Variants in CCDC149 observed in about 807,000 individuals in gnomAD.
The protein encoded by CCDC149 is coiled-coil domain containing 149.
CCDC149 carries 45 observed loss-of-function variants against 59.9 expected under a neutral mutation model. That is an observed-to-expected ratio of 0.75 (90% CI 0.59 to 0.96). The LOEUF (loss-of-function observed/expected upper bound fraction) is 0.96, where lower values mean the gene tolerates loss of function less well. Among genes scored for constraint, CCDC149 ranks in the 40% least tolerant of loss-of-function variants. CCDC149 has a pLI of 0.00. For synonymous variants in CCDC149, 245 were observed against 260.6 expected, an observed-to-expected ratio of 0.94 and a Z score of 0.58; for missense variants, 584 against 664.7, an observed-to-expected ratio of 0.88 and a Z score of 1.33.
chr4:24,931,911 T>A (rs560144474), intron 1 of CCDC149, among the ~76,000 whole-genome samples: 1 of 145,568 alleles, frequency 6.9e-6, no homozygotes, highest in African/African-American at 2.6e-5. Context: ...CAGACACTCT[T>A]CTGTTTATAT....
rs1471499212 is a variant in CCDC149 at position 24,979,021 on chromosome 4, G to A, written c.-65+1048C>T. ...GCATGCAAATGGTTTGGGGGCACAG[G>A]AATTGCAGGGAACACTTTGAGAGAG... is the stretch of plus-strand genomic sequence containing the variant. On this transcript the variant is annotated intron_variant, in intron 1 of 12. Transcript: ENST00000389609. 7.2e-5 allele frequency among the ~76,000 whole-genome samples: 11 copies of A among 152,304 alleles called. No homozygotes were observed. In the East Asian group the frequency reaches 1.9e-3, roughly 27 times the overall value.
In CCDC149 at chr4:24,874,257, T is replaced by G. The variant is rs1212641306; in HGVS notation, c.226-538A>C. 4.8e-4 allele frequency among the ~76,000 whole-genome samples: 25 copies of G among 52,552 alleles called. 1 individual carries two copies. The East Asian group carries it at 5.4e-3, about 11-fold the overall frequency. 34.5% of individuals were successfully genotyped at this position (52,552 alleles called of 152,430 possible). On this transcript the variant is annotated intron_variant, in intron 2 of 12. Transcript: ENST00000635206. ...CCTATTAGATTTGTTTTTTTTTTTT[T>G]TTGTTTTGTTTTTTTTTGTTTTTTT...
intron 3 of CCDC149, among the ~76,000 whole-genome samples, chr4:24,864,846 T>C (rs1173584894): frequency 6.6e-6 from 1 of 152,184 alleles, no homozygotes; most frequent in Non-Finnish European, 1.5e-5. Context: ...AAAAATACAG[T>C]ATTCACAGAA....
At chr4:24,894,926 G>GA (rs1720751850) in intron 1 of CCDC149, 4 of 1,529,794 alleles carry the variant, frequency 2.6e-6, no homozygotes, top group Middle Eastern at 1.7e-4. Context: ...TGATAGTGGG[G>GA]AAAAATACAG....
At chr4:24,825,622 A>C (rs1285629868) in intron 9 of CCDC149, among the ~76,000 whole-genome samples, 2 of 151,836 alleles carry the variant, frequency 1.3e-5, no homozygotes, top group African/African-American at 4.8e-5. Context: ...AAATACAAAA[A>C]ATTAGCTGGG....
At chr4:24,831,892 T>G (rs1404412847) in intron 8 of CCDC149, among the ~76,000 whole-genome samples, 1 of 152,224 alleles carries the variant, frequency 6.6e-6, no homozygotes, top group Non-Finnish European at 1.5e-5. Context: ...ATATTTGCAT[T>G]TGTCTACTAT....
intron 12 of CCDC149, among the ~76,000 whole-genome samples, chr4:24,814,575 GC>G (rs1714888268): frequency 6.6e-6 from 1 of 152,148 alleles, no homozygotes; most frequent in Admixed American, 6.5e-5. Context: ...AGGGTCTCAG[GC>G]CCTACTCCAG....
intron 3 of CCDC149, among the ~76,000 whole-genome samples, chr4:24,864,064 A>G (rs1226487023): frequency 6.6e-6 from 1 of 152,192 alleles, no homozygotes; most frequent in Non-Finnish European, 1.5e-5. Context: ...ACTTTTCTTC[A>G]TGGGACCGAT....
intron 1 of CCDC149, among the ~76,000 whole-genome samples, chr4:24,894,342 T>C (rs1258625345): frequency 6.6e-6 from 1 of 152,090 alleles, no homozygotes; most frequent in African/African-American, 2.4e-5. Context: ...GTGATAGTGG[T>C]AGTAAAATAA....
chr4:24,928,646 G>A (rs1353381133), intron 1 of CCDC149, among the ~76,000 whole-genome samples: 2 of 152,034 alleles, frequency 1.3e-5, no homozygotes, highest in Admixed American at 1.3e-4. Context: ...CCCACCTCAG[G>A]GATCCCCTGC....
At chr4:24,943,130 A>C (rs889556114) in intron 1 of CCDC149, among the ~76,000 whole-genome samples, 1 of 152,072 alleles carries the variant, frequency 6.6e-6, no homozygotes, top group African/African-American at 2.4e-5. Context: ...AGGCATCACG[A>C]TACCTGACTT....
intron 3 of CCDC149, among the ~76,000 whole-genome samples, chr4:24,871,069 TC>T (rs1191659782): frequency 6.7e-6 from 1 of 150,102 alleles, no homozygotes; most frequent in African/African-American, 2.5e-5. Flanking sequence ...AAGATAAATT[TC>T]TACATTTTGT....
At chr4:24,964,012 T>C (rs1233262489) in intron 1 of CCDC149, among the ~76,000 whole-genome samples, 1 of 152,018 alleles carries the variant, frequency 6.6e-6, no homozygotes, top group Non-Finnish European at 1.5e-5. Context: ...CTGGGAAATA[T>C]AGTGAGATTC....
In CCDC149 at chr4:24,965,147, A is replaced by G. The variant is rs890297262; in HGVS notation, c.-65+14922T>C. 1.3e-5 allele frequency among the ~76,000 whole-genome samples: 2 copies of G among 151,232 alleles called. 1 individual carries two copies. The highest frequency in any genetic ancestry group is 4.9e-5 in the African/African-American group (2 of 40,682). Reference sequence around the variant, plus strand: ...ATTTGGAATGGATAAAATTGGGGATAAATAAAACATGGTACTATATTAGAA... The same window carrying G: ...ATTTGGAATGGATAAAATTGGGGATGAATAAAACATGGTACTATATTAGAA... On this transcript the variant is annotated intron_variant, in intron 1 of 12. Transcript: ENST00000389609.
chr4:24,899,813 T>C (rs1430762748), intron 1 of CCDC149, among the ~76,000 whole-genome samples: 1 of 152,158 alleles, frequency 6.6e-6, no homozygotes, highest in Non-Finnish European at 1.5e-5. Flanking sequence ...CTTGGGACCC[T>C]AGCACCCTCT....
chr4:24,813,491 T>TATATATATATATATATATATAC (rs1167312591), intron 12 of CCDC149, among the ~76,000 whole-genome samples: 4 of 5,508 alleles, frequency 7.3e-4, no homozygotes, highest in African/African-American at 1.1e-3. Context: ...GCTTGGGGAA[T>TATATATATATATATATATATAC]ATATATATAT....
chr4:24,832,731 T>C (rs1485326283), intron 8 of CCDC149, among the ~76,000 whole-genome samples: 1 of 152,232 alleles, frequency 6.6e-6, no homozygotes, highest in African/African-American at 2.4e-5. Flanking sequence ...TAGCATATAG[T>C]AGGACTATCA....
upstream of CCDC149, among the ~76,000 whole-genome samples, chr4:24,914,936 G>C (rs1363305684): frequency 1.3e-5 from 2 of 152,194 alleles, no homozygotes; most frequent in Non-Finnish European, 2.9e-5. Context: ...TTTTCTGCCT[G>C]TTGTATACAA....
chr4:24,839,705 G>T (rs919233321), intron 4 of CCDC149, among the ~76,000 whole-genome samples: 2 of 152,296 alleles, frequency 1.3e-5, no homozygotes, highest in South Asian at 4.1e-4. Flanking sequence ...GGCCCAAGAA[G>T]GCCCCAGTGG....
Sources: allele counts gnomAD v4.1 joint callset (sites outside exome capture counted in the v4.1 genomes callset), GRCh38; gene constraint gnomAD v4.1.1; transcripts MANE v1.5; gene names NCBI Gene and HGNC (gene_info 2026-07-23, HGNC 2026-07-21).